The following KIAA0319L variants were observed in gnomAD, a reference collection of about 807,000 sequenced individuals.
The protein encoded by KIAA0319L is dyslexia-associated protein KIAA0319-like protein.
Under a neutral mutation model 120.1 loss-of-function variants are expected in KIAA0319L, and 55 were observed. That is an observed-to-expected ratio of 0.46 (90% confidence interval 0.37 to 0.57). The LOEUF (loss-of-function observed/expected upper bound fraction) is 0.57, where lower values mean the gene tolerates loss of function less well. Ranked by LOEUF, KIAA0319L falls within the 20% of genes least tolerant of loss-of-function variation. KIAA0319L has a pLI of 0.00. For missense variants in KIAA0319L, 1,049 were observed against 1,255.3 expected, an observed-to-expected ratio of 0.84 and a Z score of 2.48; for synonymous variants, 398 against 471.9, an observed-to-expected ratio of 0.84 and a Z score of 2.03.
In KIAA0319L at chr1:35,489,169, A is replaced by G. The variant is rs541574763; in HGVS notation, c.667-9957T>C. ...TCAAAAAGAAGTAAAGCCTAGGAAG[A>G]CTAAGTAGTAGTTAGGTAGGTGAAT... On this transcript the variant is annotated intron_variant, in intron 3 of 20. Coordinates refer to ENST00000325722, the MANE Select transcript of KIAA0319L (RefSeq NM_024874.5). Among the ~76,000 whole-genome samples the G allele has an allele frequency of 3.3e-5, 5 of 152,258 alleles. No homozygotes were observed. In the East Asian group the frequency reaches 9.7e-4, roughly 29 times the overall value.
chr1:35,472,751 C>T (rs1455880503), intron 5 of KIAA0319L, among the ~76,000 whole-genome samples: 1 of 151,444 alleles, frequency 6.6e-6, no homozygotes, highest in East Asian at 1.9e-4. Context: ...GGTGGAAGAA[C>T]CTGGAGAGAG....
intron 3 of KIAA0319L, among the ~76,000 whole-genome samples, chr1:35,498,124 G>C (rs1644878247): frequency 6.6e-6 from 1 of 152,164 alleles, no homozygotes; most frequent in Non-Finnish European, 1.5e-5. Flanking sequence ...CCTGAGGTCA[G>C]GAGTTCGAGA....
intron 5 of KIAA0319L, among the ~76,000 whole-genome samples, chr1:35,472,151 A>T (rs777296551): frequency 2.0e-5 from 3 of 152,246 alleles, no homozygotes; most frequent in Non-Finnish European, 2.9e-5. Context: ...TCAAAACAGG[A>T]CAATATTCCT....
intron 3 of KIAA0319L, 122 bp from the exon 4 acceptor site, chr1:35,479,334 A>T: frequency 1.3e-6 from 1 of 755,398 alleles, no homozygotes; most frequent in Non-Finnish European, 2.1e-6. Flanking sequence ...AAAAATATTA[A>T]AGAAACTAAT....
chr1:35,538,590 CAAAAAAA>C (rs757522421), intron 2 of KIAA0319L, among the ~76,000 whole-genome samples: 8 of 31,916 alleles, frequency 2.5e-4, no homozygotes, highest in East Asian at 5.7e-4. Context: ...AACTCTGTCT[CAAAAAAA>C]AAAAAAAAAA....
chr1:35,544,087 G>A (rs1646893320), intron 2 of KIAA0319L, among the ~76,000 whole-genome samples: 1 of 152,164 alleles, frequency 6.6e-6, no homozygotes, highest in African/African-American at 2.4e-5. Context: ...TGAAGACTGG[G>A]CCGGGCATGG....
intron 5 of KIAA0319L, among the ~76,000 whole-genome samples, chr1:35,473,932 T>C (rs1381981392): frequency 4.6e-5 from 7 of 152,206 alleles, no homozygotes; most frequent in African/African-American, 1.7e-4. Flanking sequence ...AGAGAACCCA[T>C]ATGTGTTTGT....
chr1:35,438,310 C>T (rs899211863), intron 20 of KIAA0319L, among the ~76,000 whole-genome samples: 6 of 152,118 alleles, frequency 3.9e-5, no homozygotes, highest in African/African-American at 1.2e-4. Context: ...CCACCCAACC[C>T]ACAGAGGCTC....
chr1:35,520,522 T>C (rs1484320899), intron 2 of KIAA0319L, among the ~76,000 whole-genome samples: 1 of 152,084 alleles, frequency 6.6e-6, no homozygotes, highest in African/African-American at 2.4e-5. Context: ...GCCTCCCAAA[T>C]AGCTGGGACT....
intron 6 of KIAA0319L, 61 bp from the exon 7 acceptor site, chr1:35,466,756 A>G: frequency 1.7e-6 from 2 of 1,175,702 alleles, no homozygotes; most frequent in Non-Finnish European, 2.5e-6. Flanking sequence ...CATTTAAAAT[A>G]AGATATATCT....
chr1:35,444,037 G>T lies in KIAA0319L; in HGVS notation c.2656+124C>A, dbSNP rs1030225688. 10 of 838,282 alleles carry T rather than the reference G, an allele frequency of 1.2e-5. No homozygotes were observed. The African/African-American group carries it at 1.6e-4, about 13-fold the overall frequency. The allele number at this position is 838,282 out of a possible 1,614,324, so 51.9% of individuals were successfully genotyped here. On this transcript the variant is annotated intron_variant, in intron 17 of 20. Transcript: ENST00000325722. ...AGGACTCTTTCATGGTAATAGTAGT[G>T]CAAGAGAATGATTATCTCCATCTTC...
intron 2 of KIAA0319L, among the ~76,000 whole-genome samples, chr1:35,525,241 C>T (rs1053489131): frequency 2.6e-5 from 4 of 152,068 alleles, no homozygotes; most frequent in African/African-American, 9.7e-5. Context: ...TTTATTTGTC[C>T]ATTCATCTGT....
In KIAA0319L at chr1:35,481,671, C is replaced by T. The variant is rs112044088; in HGVS notation, c.667-2459G>A. 1.4e-4 allele frequency among the ~76,000 whole-genome samples: 21 copies of T among 152,088 alleles called. 2 individuals are homozygous for T. The highest frequency in any genetic ancestry group is 3.9e-4 in the African/African-American group (16 of 41,486). ...ATAAATTGAACATACATAAAATGTACAATTTGATAAATTTTTATGTATGTA... is the reference window on the plus strand; with the variant it reads ...ATAAATTGAACATACATAAAATGTATAATTTGATAAATTTTTATGTATGTA... On this transcript the variant is annotated intron_variant, in intron 3 of 20. Coordinates refer to ENST00000325722, the MANE Select transcript of KIAA0319L (RefSeq NM_024874.5).
chr1:35,449,517 GCACTCTGAGCC>G (rs1048437808), intron 15 of KIAA0319L, among the ~76,000 whole-genome samples: 4 of 152,166 alleles, frequency 2.6e-5, no homozygotes, highest in African/African-American at 9.7e-5. Context: ...AGATTCCCAA[GCACTCTGAGCC>G]CTCTCTCATC....
intron 3 of KIAA0319L, among the ~76,000 whole-genome samples, chr1:35,505,900 C>T (rs1304124577): frequency 1.3e-5 from 2 of 152,182 alleles, no homozygotes; most frequent in African/African-American, 4.8e-5. Context: ...TGTCATAGCC[C>T]ACTCTGGCTT....
intron 2 of KIAA0319L, among the ~76,000 whole-genome samples, chr1:35,531,241 C>T (rs2148468611): frequency 6.6e-6 from 1 of 152,252 alleles, no homozygotes; most frequent in African/African-American, 2.4e-5. Flanking sequence ...CTCTGGGGAG[C>T]TTGCACTTTG....
intron 2 of KIAA0319L, among the ~76,000 whole-genome samples, chr1:35,518,708 A>G (rs1310843879): frequency 6.6e-6 from 1 of 152,174 alleles, no homozygotes; most frequent in African/African-American, 2.4e-5. Flanking sequence ...ACCTAAAATA[A>G]AAGTTAAAAA....
intron 3 of KIAA0319L, among the ~76,000 whole-genome samples, chr1:35,485,153 T>C (rs1644340470): frequency 6.6e-6 from 1 of 152,130 alleles, no homozygotes; most frequent in Non-Finnish European, 1.5e-5. Context: ...GGTTGAAAAC[T>C]AGAGGCTTCA....
intron 17 of KIAA0319L, among the ~76,000 whole-genome samples, chr1:35,443,601 G>A (rs1641389128): frequency 1.3e-5 from 2 of 152,004 alleles, no homozygotes; most frequent in Non-Finnish European, 2.9e-5. Context: ...GAACCCGGGG[G>A]GGCGGAGGTT....
Sources: gnomAD v4.1 joint callset for allele counts (sites outside exome capture counted in the v4.1 genomes callset) on GRCh38, gnomAD v4.1.1 for gene constraint, MANE v1.5 for transcripts, NCBI Gene and HGNC (gene_info 2026-07-23, HGNC 2026-07-21) for gene names.